ASXL1: variants seen among roughly 807,000 people sequenced by gnomAD.
The protein encoded by ASXL1 is ASXL transcriptional regulator 1, also known as polycomb group protein ASXL1.
ASXL1 carries 65 observed loss-of-function variants against 89.1 expected under a neutral mutation model. The ratio of observed to expected loss-of-function variants is 0.73; its 90% CI spans 0.60 to 0.90. The LOEUF (loss-of-function observed/expected upper bound fraction) is 0.90, where lower values mean the gene tolerates loss of function less well. Among genes scored for constraint, ASXL1 ranks in the 40% least tolerant of loss-of-function variants. The probability of loss-of-function intolerance (pLI) is 0.00; values close to 1 mark genes in which losing one functional copy is unlikely to be tolerated. For synonymous variants in ASXL1, 739 were observed against 746.9 expected, an observed-to-expected ratio of 0.99 and a Z score of 0.17; for missense variants, 1,786 against 1,942.9, an observed-to-expected ratio of 0.92 and a Z score of 1.52.
At chr20:32,401,852 GGCCTACTATACATATAC>G (rs750682835) in intron 4 of ASXL1, among the ~76,000 whole-genome samples, 14 of 152,064 alleles carry the variant, frequency 9.2e-5, no homozygotes, top group Non-Finnish European at 1.5e-4. Context: ...CACTGCACCT[GGCCTACTATACATATAC>G]GCCTATGATG....
chr20:32,433,725 C>A lies in ASXL1; in HGVS notation c.1527C>A (p.Ser509Arg), dbSNP rs1319205628. 1.2e-6 allele frequency: 2 copies of A among 1,613,466 alleles called. No individual in the cohort carries two copies. Among genetic ancestry groups the A allele is most frequent in the South Asian group, 2.2e-5 (2 of 91,076 alleles). ...RASASPDRIP[S>R]LPQETVDQEP... ...CTGCATCTCCAGACAGAATTCCTAG[C>A]CTGCCTCAGGAAACTGTGGATCAGG... Residue 509 changes from serine (S) to arginine (R), a missense_variant, in exon 12 of 13, where the codon AGC (serine) becomes AGA (arginine). This residue lies in a region of ASXL1 where 1,418 missense variants were observed against 1,427.8 expected (regional missense o/e 0.99). Coordinates refer to ENST00000375687, the MANE Select transcript of ASXL1 (RefSeq NM_015338.6).
At position 32,435,025 on chromosome 20, in the gene ASXL1, A is replaced by AGCTGAGAGATTAGTGGAGCAGCCTCAGTT; in HGVS notation, c.2316_2344dup (p.His782LeufsTer4). On this transcript the variant is annotated frameshift_variant, in exon 13 of 13. Transcript: ENST00000375687. LOFTEE classifies it low-confidence loss of function (END_TRUNC). ...CCCTACTGTCCTCCCAAACCTCAGT[A>AGCTGAGAGATTAGTGGAGCAGCCTCAGTT]GCTGAGAGATTAGTGGAGCAGCCTC... 6.2e-7 allele frequency: 1 copy of AGCTGAGAGATTAGTGGAGCAGCCTCAGTT among 1,614,170 alleles called. No homozygotes were observed. Among genetic ancestry groups the AGCTGAGAGATTAGTGGAGCAGCCTCAGTT allele is most frequent in the Non-Finnish European group, 8.5e-7 (1 of 1,180,038 alleles).
chr20:32,422,940 T>A (rs577241643), intron 4 of ASXL1, among the ~76,000 whole-genome samples: 62 of 152,288 alleles, frequency 4.1e-4, no homozygotes, highest in African/African-American at 1.3e-3. Flanking sequence ...TTAATTTTTT[T>A]AAAAGCTTCA....
At chr20:32,389,197 T>C (rs2048628761) in intron 4 of ASXL1, among the ~76,000 whole-genome samples, 1 of 152,242 alleles carries the variant, frequency 6.6e-6, no homozygotes, top group African/African-American at 2.4e-5. Context: ...AATATATTTT[T>C]ATGTCAATGA....
chr20:32,420,076 A>T (rs571407230), intron 4 of ASXL1, among the ~76,000 whole-genome samples: 4 of 151,428 alleles, frequency 2.6e-5, no homozygotes, highest in South Asian at 4.2e-4. Context: ...AAATGTCACA[A>T]TGTGGCCAAA....
Position 32,437,499 on chromosome 20 carries a change from C to A in ASXL1, c.*161C>A. 8.5e-7 allele frequency: 1 copy of A among 1,179,178 alleles called. No individual in the cohort carries two copies. The highest frequency in any genetic ancestry group is 1.2e-6 in the Non-Finnish European group (1 of 831,212). 73.0% of individuals were successfully genotyped at this position (1,179,178 alleles called of 1,614,324 possible). ...ACTGCTAAAGCCCTCTGTCACTTGGCGACCCTTCTGGTCTTGCTGGAGGGG... is the reference window on the plus strand; with the variant it reads ...ACTGCTAAAGCCCTCTGTCACTTGGAGACCCTTCTGGTCTTGCTGGAGGGG... On this transcript the variant is annotated 3_prime_UTR_variant, in exon 13 of 13. Transcript: ENST00000375687.
chr20:32,405,381 C>T (rs1444117467), intron 4 of ASXL1, among the ~76,000 whole-genome samples: 1 of 152,124 alleles, frequency 6.6e-6, no homozygotes, highest in African/African-American at 2.4e-5. Context: ...CCTGGCCCTA[C>T]CCTTAATACT....
intron 4 of ASXL1, among the ~76,000 whole-genome samples, chr20:32,415,480 T>G (rs1220193392): frequency 4.6e-5 from 7 of 152,168 alleles, no homozygotes; most frequent in Non-Finnish European, 1.5e-5. Flanking sequence ...GCCTTACTGT[T>G]TAGGGACAGG....
chr20:32,361,256 C>G (rs2048105437), intron 1 of ASXL1, among the ~76,000 whole-genome samples: 1 of 152,112 alleles, frequency 6.6e-6, no homozygotes, highest in African/African-American at 2.4e-5. Context: ...CTGAGGATAG[C>G]TTAGGCCGAG....
At chr20:32,377,908 CTCCCAAA>C (rs2048413062) in intron 4 of ASXL1, among the ~76,000 whole-genome samples, 3 of 151,812 alleles carry the variant, frequency 2.0e-5, no homozygotes, top group Non-Finnish European at 4.4e-5. Flanking sequence ...CTGCCTCAGC[CTCCCAAA>C]GTCCTGGGAT....
At position 32,434,797 on chromosome 20, in the gene ASXL1, A is replaced by G. The variant is rs775732737; in HGVS notation, c.2085A>G (p.Gln695=). 7 of 1,613,864 alleles carry G rather than the reference A, an allele frequency of 4.3e-6. No individual in the cohort carries two copies. In the African/African-American group the frequency reaches 6.7e-5, roughly 15 times the overall value. Residue 695 remains glutamine (Q), a synonymous_variant, in exon 13 of 13, where the codon CAA becomes CAG. Transcript: ENST00000375687. The part of the protein sequence containing the change: ...GKCTSDLQRT[Q]LLPPYPLNGE... ...GTACGTCAGATCTACAGCGAACACA[A>G]CTACTGCCGCCTTATCCTCTAAATG...
chr20:32,375,029 T>G (rs935575179), intron 4 of ASXL1, among the ~76,000 whole-genome samples: 1 of 152,180 alleles, frequency 6.6e-6, no homozygotes, highest in South Asian at 2.1e-4. Flanking sequence ...AGGGGACATA[T>G]CTGGTCAGCG....
intron 1 of ASXL1, among the ~76,000 whole-genome samples, chr20:32,361,788 G>A (rs1025930009): frequency 2.6e-5 from 4 of 152,076 alleles, no homozygotes; most frequent in Non-Finnish European, 2.9e-5. Flanking sequence ...GTCCCAGGCC[G>A]GGCACGGTGG....
chr20:32,407,921 G>C (rs1013142647), intron 4 of ASXL1, among the ~76,000 whole-genome samples: 3 of 152,088 alleles, frequency 2.0e-5, no homozygotes, highest in African/African-American at 7.2e-5. Context: ...TTGGCTCTTA[G>C]GTGTGCGATT....
chr20:32,374,206 C>G (rs1231870034), intron 4 of ASXL1, among the ~76,000 whole-genome samples: 1 of 152,074 alleles, frequency 6.6e-6, no homozygotes, highest in Admixed American at 6.5e-5. Flanking sequence ...TGGGAATTCA[C>G]TAGTCTTGAA....
At chr20:32,399,745 CTCTTTTTT>C (rs1226703775) in intron 4 of ASXL1, among the ~76,000 whole-genome samples, 21 of 66,616 alleles carry the variant, frequency 3.2e-4, no homozygotes, top group African/African-American at 1.3e-3. Context: ...ACATATTTTA[CTCTTTTTT>C]TTTTTTTTTT....
intron 4 of ASXL1, among the ~76,000 whole-genome samples, chr20:32,387,252 G>A (rs753074346): frequency 4.6e-5 from 7 of 152,082 alleles, no homozygotes; most frequent in East Asian, 3.8e-4. Context: ...TCAGTGAGCC[G>A]AGACTGAGAC....
intron 4 of ASXL1, among the ~76,000 whole-genome samples, chr20:32,384,626 T>G (rs538219779): frequency 6.6e-6 from 1 of 152,324 alleles, no homozygotes; most frequent in South Asian, 2.1e-4. Flanking sequence ...CCTAGCTAGC[T>G]CTGGGAGAAG....
intron 4 of ASXL1, among the ~76,000 whole-genome samples, chr20:32,381,768 C>T (rs1342169708): frequency 2.0e-5 from 3 of 152,098 alleles, no homozygotes; most frequent in African/African-American, 2.4e-5. Context: ...CCCACCTCGG[C>T]CTCCCAAAGT....
Sources: allele counts gnomAD v4.1 joint callset (sites outside exome capture counted in the v4.1 genomes callset), GRCh38; gene constraint gnomAD v4.1.1; regional missense constraint gnomAD v4.1.1; transcripts MANE v1.5; gene names NCBI Gene and HGNC (gene_info 2026-07-23, HGNC 2026-07-21).